The following SIL1 variants were observed in gnomAD, a reference collection of about 807,000 sequenced individuals.
The protein encoded by SIL1 is nucleotide exchange factor SIL1.
SIL1 carries 40 observed loss-of-function variants against 49.1 expected under a neutral mutation model. The ratio of observed to expected loss-of-function variants is 0.81; its 90% CI spans 0.63 to 1.06. SIL1 has a LOEUF of 1.06. Ranked by LOEUF, SIL1 falls within the 50% of genes least tolerant of loss-of-function variation. The pLI, the probability that SIL1 is intolerant of heterozygous loss-of-function variation, is 0.00. For synonymous variants in SIL1, 253 were observed against 250.8 expected, an observed-to-expected ratio of 1.01 and a Z score of -0.08; for missense variants, 500 against 572.6, an observed-to-expected ratio of 0.87 and a Z score of 1.29.
intron 3 of SIL1, among the ~76,000 whole-genome samples, chr5:139,060,489 C>T (rs1298401373): frequency 6.6e-6 from 1 of 150,800 alleles, no homozygotes; most frequent in Non-Finnish European, 1.5e-5. Context: ...AGGCCCTTAA[C>T]TCAGCAAAAT....
intron 5 of SIL1, among the ~76,000 whole-genome samples, chr5:139,030,813 C>A (rs1768773924): frequency 6.6e-6 from 1 of 152,052 alleles, no homozygotes; most frequent in East Asian, 1.9e-4. Context: ...CTAAATGTTT[C>A]TAATGTTTTA....
chr5:139,073,196 C>A (rs1299950338), intron 3 of SIL1, among the ~76,000 whole-genome samples: 1 of 152,182 alleles, frequency 6.6e-6, no homozygotes, highest in Non-Finnish European at 1.5e-5. Flanking sequence ...AGTAATGCCA[C>A]TACTGGGTAA....
chr5:138,988,299 C>T (rs865928868), intron 7 of SIL1, among the ~76,000 whole-genome samples: 1 of 152,206 alleles, frequency 6.6e-6, no homozygotes, highest in South Asian at 2.1e-4. Flanking sequence ...CAAGGAGACA[C>T]AGCATGTGGC....
At chr5:139,090,611 G>A (rs1331767653) in intron 3 of SIL1, among the ~76,000 whole-genome samples, 1 of 152,042 alleles carries the variant, frequency 6.6e-6, no homozygotes, top group South Asian at 2.1e-4. Flanking sequence ...CAAATCTATA[G>A]GGAAAGCACT....
Position 138,947,528 on chromosome 5 carries a change from C to A in SIL1, c.1030-55G>T, listed in dbSNP as rs1295542983. On this transcript the variant is annotated intron_variant, in intron 9 of 9. Transcript: ENST00000394817. The surrounding 1 kb of genome is among the most constrained non-coding windows in gnomAD (Gnocchi z 4.1). ...AGGGTGGGGGTGGGGAGAGAACACA[C>A]AGGGAGCAGTTAGCTCACACCTGGC... 6.6e-7 allele frequency: 1 copy of A among 1,520,952 alleles called. No individual in the cohort carries two copies. Among genetic ancestry groups the A allele is most frequent in the East Asian group, 2.3e-5 (1 of 44,438 alleles). The allele number at this position is 1,520,952 out of a possible 1,614,324, so 94.2% of individuals were successfully genotyped here. A position where few individuals can be genotyped will look rare whatever the true frequency, so the allele number is the denominator to read the frequency against.
intron 2 of SIL1, among the ~76,000 whole-genome samples, chr5:139,122,676 GAAAA>G: frequency 6.6e-6 from 1 of 152,176 alleles, no homozygotes; most frequent in South Asian, 2.1e-4. Flanking sequence ...AGTTGTCGAG[GAAAA>G]GTTAAAATGT....
chr5:138,957,319 C>T (rs2150382035), intron 7 of SIL1, among the ~76,000 whole-genome samples: 1 of 151,846 alleles, frequency 6.6e-6, no homozygotes, highest in East Asian at 1.9e-4. Flanking sequence ...GCCTGTAATC[C>T]CAGCACTTTG....
chr5:139,010,272 G>A (rs1461744097), intron 7 of SIL1, among the ~76,000 whole-genome samples: 1 of 149,154 alleles, frequency 6.7e-6, no homozygotes. Context: ...TGAGGCTTCT[G>A]CATTCTTCAC....
intron 5 of SIL1, among the ~76,000 whole-genome samples, 176 bp downstream of exon 5, chr5:139,042,444 C>CT (rs376335378): frequency 5.3e-5 from 8 of 151,566 alleles, no homozygotes; most frequent in South Asian, 2.1e-4. Context: ...GCTCCCAGCA[C>CT]TTTTTTTTTA....
rs1750622292 is a variant in SIL1, at chr5:139,121,065, G to A, written c.214C>T (p.Pro72Ser). Residue 72 changes from proline to serine, a missense_variant, in exon 3 of 10, where the codon CCG becomes TCG. Physicochemically the swap from Pro to Ser is moderately conservative, Grantham distance 74. Transcript: ENST00000394817. Reference sequence around the variant, plus strand: ...TGAAGGGCCTGCCACTCATGCGTCGGGTGGAACACCTCCAGGACTTCGGCA... The same window carrying A: ...TGAAGGGCCTGCCACTCATGCGTCGAGTGGAACACCTCCAGGACTTCGGCA... ...LDAEVLEVFH[P>S]THEWQALQPG... The A allele has an allele frequency of 1.2e-6, 2 of 1,614,130 alleles. No individual in the cohort carries two copies. Among genetic ancestry groups the A allele is most frequent in the Non-Finnish European group, 1.7e-6 (2 of 1,180,044 alleles).
Position 138,951,192 on chromosome 5 carries a change from G to A in SIL1, c.1008C>T (p.Leu336=), listed in dbSNP as rs374076564. The change falls in exon 9 of 10, where the codon CTC becomes CTT. Residue 336 remains leucine (L), a synonymous_variant. Transcript: ENST00000394817. The part of the protein sequence containing the change: ...EVLAVRVVTL[L]YDLVTEKMFA... ...TCACCTTCTCCGTGACCAGGTCGTAGAGCAGTGTGACCACGCGCACGGCGA... is the reference window on the plus strand; with the variant it reads ...TCACCTTCTCCGTGACCAGGTCGTAAAGCAGTGTGACCACGCGCACGGCGA... 2 of 1,611,550 alleles carry A rather than the reference G, an allele frequency of 1.2e-6. No homozygotes were observed. The highest frequency in any genetic ancestry group is 2.2e-5 in the South Asian group (2 of 90,280).
intron 7 of SIL1, among the ~76,000 whole-genome samples, chr5:138,981,546 GT>G (rs34492670): frequency 1.3e-5 from 2 of 152,166 alleles, no homozygotes; most frequent in Admixed American, 1.3e-4. Context: ...CTGAAATCAA[GT>G]TTCTTATCCA....
intron 4 of SIL1, among the ~76,000 whole-genome samples, chr5:139,045,364 CA>C (rs1241536923): frequency 6.6e-6 from 1 of 151,602 alleles, no homozygotes; most frequent in Non-Finnish European, 1.5e-5. Flanking sequence ...AACAAACAAA[CA>C]AAAAAAACCT....
intron 1 of SIL1, among the ~76,000 whole-genome samples, chr5:139,195,387 G>A (rs999530915): frequency 6.7e-6 from 1 of 149,532 alleles, no homozygotes. Flanking sequence ...AGTTTTTTTT[G>A]TTTTGTTTTG....
At chr5:138,980,452 C>T (rs1767490426) in intron 7 of SIL1, among the ~76,000 whole-genome samples, 1 of 152,078 alleles carries the variant, frequency 6.6e-6, no homozygotes, top group Non-Finnish European at 1.5e-5. Context: ...AGGAGGTAAC[C>T]TAAGAGACAA....
At chr5:139,180,329 C>T (rs10040930) in intron 1 of SIL1, among the ~76,000 whole-genome samples, 12,340 of 137,814 alleles carry the variant, frequency 0.09, 1,580 homozygotes, top group African/African-American at 0.29. Context: ...TGCAGTGAGC[C>T]GAGATCACGC....
chr5:139,066,064 T>C (rs1215530095), intron 3 of SIL1, among the ~76,000 whole-genome samples: 1 of 152,154 alleles, frequency 6.6e-6, no homozygotes. Flanking sequence ...CAGCCCCCAC[T>C]GAAAAGATAA....
intron 1 of SIL1, among the ~76,000 whole-genome samples, chr5:139,197,542 C>T (rs980063438): frequency 4.6e-5 from 7 of 152,272 alleles, no homozygotes; most frequent in South Asian, 4.1e-4. Flanking sequence ...CTAATTCCTC[C>T]GGTGCAAAGA....
intron 2 of SIL1, among the ~76,000 whole-genome samples, chr5:139,123,668 G>A (rs1205528801): frequency 6.6e-6 from 1 of 152,162 alleles, no homozygotes; most frequent in Non-Finnish European, 1.5e-5. Context: ...AAATGCCCCA[G>A]GGGCCAGGCA....
Sources: gnomAD v4.1 joint callset for allele counts (sites outside exome capture counted in the v4.1 genomes callset) on GRCh38, gnomAD v4.1.1 for gene constraint, Gnocchi (gnomAD v3.1) non-coding constraint, MANE v1.5 for transcripts, NCBI Gene and HGNC (gene_info 2026-07-23, HGNC 2026-07-21) for gene names.